The following STT3B variants were observed in gnomAD, a reference collection of about 807,000 sequenced individuals.
STT3B encodes dolichyl-diphosphooligosaccharide--protein glycosyltransferase subunit STT3B.
STT3B carries 29 observed loss-of-function variants against 96.8 expected under a neutral mutation model. That is an observed-to-expected ratio of 0.30 (90% CI 0.22 to 0.41). The LOEUF (loss-of-function observed/expected upper bound fraction) is 0.41, where lower values mean the gene tolerates loss of function less well. Ranked by LOEUF, STT3B falls within the 10% of genes least tolerant of loss-of-function variation. The probability of loss-of-function intolerance (pLI) is 1.00; values close to 1 mark genes in which losing one functional copy is unlikely to be tolerated. For missense variants in STT3B, 640 were observed against 1,022.3 expected, an observed-to-expected ratio of 0.63 and a Z score of 5.10; for synonymous variants, 367 against 360.0, an observed-to-expected ratio of 1.02 and a Z score of -0.22.
chr3:31,561,693 G>A (rs1169356266), intron 1 of STT3B, among the ~76,000 whole-genome samples: 1 of 151,880 alleles, frequency 6.6e-6, no homozygotes. Flanking sequence ...TTCTTTTGGA[G>A]GTGTATCATA....
intron 3 of STT3B, among the ~76,000 whole-genome samples, chr3:31,590,841 C>T (rs748888916): frequency 1.6e-4 from 24 of 152,056 alleles, no homozygotes; most frequent in Non-Finnish European, 2.6e-4. Flanking sequence ...GATCTGGCTC[C>T]TAAGTGTAAA....
intron 1 of STT3B, among the ~76,000 whole-genome samples, chr3:31,545,237 G>A (rs1031866162): frequency 2.0e-5 from 3 of 152,102 alleles, no homozygotes; most frequent in African/African-American, 4.8e-5. Flanking sequence ...AAATGAATCA[G>A]TCACTTCATT....
At chr3:31,547,271 A>G (rs1475458376) in intron 1 of STT3B, among the ~76,000 whole-genome samples, 1 of 152,180 alleles carries the variant, frequency 6.6e-6, no homozygotes, top group Non-Finnish European at 1.5e-5. Context: ...TTCAAAATCC[A>G]TCTTAAATGT....
chr3:31,635,853 C>G, intron 15 of STT3B, 131 bp from the exon 16 acceptor site: 2 of 607,560 alleles, frequency 3.3e-6, no homozygotes, highest in African/African-American at 1.9e-5. Context: ...CTGAACTATT[C>G]AAGGAATCCA....
At chr3:31,570,771 G>A (rs368095435) in intron 1 of STT3B, among the ~76,000 whole-genome samples, 63 of 152,262 alleles carry the variant, frequency 4.1e-4, no homozygotes, top group African/African-American at 1.5e-3. Context: ...AAGATTTGTA[G>A]TCAAGGAGCA....
Position 31,533,217 on chromosome 3 carries a change from C to T in STT3B, c.219C>T (p.Ser73=). 3 of 1,473,782 alleles carry T rather than the reference C, an allele frequency of 2.0e-6. No individual in the cohort carries two copies. Among genetic ancestry groups the T allele is most frequent in the Non-Finnish European group, 2.7e-6 (3 of 1,107,938 alleles). The allele number at this position is 1,473,782 out of a possible 1,614,324, so 91.3% of individuals were successfully genotyped here. Residue 73 remains serine (S), a synonymous_variant, in exon 1 of 16, where the codon TCC becomes TCT. Coordinates refer to ENST00000295770, the MANE Select transcript of STT3B (RefSeq NM_178862.3). Reference sequence around the variant, plus strand: ...CGGCTGGGTGGCAGTCGCTTCTCTCCTTCACCATCCTCTTCCTGGCCTGGC... The same window carrying T: ...CGGCTGGGTGGCAGTCGCTTCTCTCTTTCACCATCCTCTTCCTGGCCTGGC... ...SQPAGWQSLL[S]FTILFLAWLA... is the part of the protein sequence containing the mutation.
At chr3:31,603,242 A>AT (rs1698972823) in intron 5 of STT3B, among the ~76,000 whole-genome samples, 2 of 152,068 alleles carry the variant, frequency 1.3e-5, no homozygotes, top group African/African-American at 4.8e-5. Context: ...CTTTGAGTAG[A>AT]TTTTTTCAAG....
intron 5 of STT3B, among the ~76,000 whole-genome samples, chr3:31,603,381 G>C (rs927509354): frequency 2.6e-5 from 4 of 151,894 alleles, no homozygotes; most frequent in African/African-American, 9.7e-5. Context: ...TTGAGCAAGG[G>C]AGGTGTAAGA....
chr3:31,583,829 G>A (rs1698472379), intron 3 of STT3B, among the ~76,000 whole-genome samples: 1 of 151,842 alleles, frequency 6.6e-6, no homozygotes, highest in South Asian at 2.1e-4. Flanking sequence ...GATTCTTTTG[G>A]TAGTGAAACA....
At chr3:31,586,673 G>A (rs951058847) in intron 3 of STT3B, among the ~76,000 whole-genome samples, 1 of 152,002 alleles carries the variant, frequency 6.6e-6, no homozygotes, top group Admixed American at 6.6e-5. Flanking sequence ...TGGTAACCTT[G>A]TCAAAATCAA....
rs372963216 is a variant in STT3B at position 31,623,662 on chromosome 3, T to A, written c.1540-12T>A. ...AATGAATTTGTCTAACCAATTTTTTTAATATCTTTAGGCAGGTAAAGTGAG... is the reference window on the plus strand; with the variant it reads ...AATGAATTTGTCTAACCAATTTTTTAAATATCTTTAGGCAGGTAAAGTGAG... On this transcript the variant is annotated splice_polypyrimidine_tract_variant and intron_variant, in intron 10 of 15. Transcript: ENST00000295770. 12 of 1,569,824 alleles carry A rather than the reference T, an allele frequency of 7.6e-6. No individual in the cohort carries two copies. The highest frequency in any genetic ancestry group is 1.0e-5 in the Non-Finnish European group (12 of 1,155,122).
At chr3:31,557,297 G>A (rs548727108) in intron 1 of STT3B, among the ~76,000 whole-genome samples, 3 of 152,162 alleles carry the variant, frequency 2.0e-5, no homozygotes, top group Admixed American at 2.0e-4. Context: ...TATAAAATCA[G>A]GTAGTTTGGC....
intron 1 of STT3B, 165 bp downstream of exon 1, chr3:31,533,477 C>A: frequency 1.2e-6 from 1 of 864,128 alleles, no homozygotes; most frequent in Non-Finnish European, 1.5e-6. Flanking sequence ...GCGCCCCCTG[C>A]CCGTGGGCGA....
Position 31,625,863 on chromosome 3 carries a change from A to G in STT3B, c.1900-91A>G, listed in dbSNP as rs1161275688. On this transcript the variant is annotated intron_variant, in intron 12 of 15. Transcript: ENST00000295770. Reference sequence around the variant, plus strand: ...AAATTCCATGTAAAACAAACTCTTGATGAATTCCATGTTGTAGTAAAAAAT... The same window carrying G: ...AAATTCCATGTAAAACAAACTCTTGGTGAATTCCATGTTGTAGTAAAAAAT... The G allele has an allele frequency of 5.8e-6, 7 of 1,216,942 alleles. No individual in the cohort carries two copies. In the East Asian group the frequency reaches 1.5e-4, roughly 26 times the overall value. The allele number at this position is 1,216,942 out of a possible 1,614,324, so 75.4% of individuals were successfully genotyped here.
chr3:31,622,896 G>A (rs139126423), intron 10 of STT3B, among the ~76,000 whole-genome samples: 388 of 152,276 alleles, frequency 2.5e-3, no homozygotes, highest in African/African-American at 9.1e-3. Context: ...ACTTGTCTTG[G>A]ATGACATATT....
chr3:31,595,218 C>G (rs888128425), intron 3 of STT3B, among the ~76,000 whole-genome samples: 5 of 152,128 alleles, frequency 3.3e-5, no homozygotes, highest in Non-Finnish European at 5.9e-5. Context: ...AGAGCCCTGC[C>G]AAGTGGAGAA....
chr3:31,615,556 T>G (rs1301899481), intron 6 of STT3B, among the ~76,000 whole-genome samples: 1 of 151,918 alleles, frequency 6.6e-6, no homozygotes, highest in Non-Finnish European at 1.5e-5. Flanking sequence ...AGAATCACTA[T>G]CTTACTGTTA....
intron 5 of STT3B, among the ~76,000 whole-genome samples, chr3:31,605,020 A>C (rs1348587451): frequency 1.3e-5 from 2 of 152,184 alleles, no homozygotes; most frequent in Non-Finnish European, 2.9e-5. Context: ...AGGTTAATAT[A>C]TGAAAGGTGC....
At chr3:31,595,310 C>CAT (rs1698761382) in intron 3 of STT3B, among the ~76,000 whole-genome samples, 1 of 152,174 alleles carries the variant, frequency 6.6e-6, no homozygotes, top group Non-Finnish European at 1.5e-5. Context: ...GATGAAAGTC[C>CAT]ATATATCATA....
Sources: allele counts gnomAD v4.1 joint callset (sites outside exome capture counted in the v4.1 genomes callset), GRCh38; gene constraint gnomAD v4.1.1; transcripts MANE v1.5; gene names NCBI Gene and HGNC (gene_info 2026-07-23, HGNC 2026-07-21).